HUNK: variants seen among roughly 807,000 people sequenced by gnomAD.
HUNK encodes the protein hormonally up-regulated Neu-associated kinase.
Under a neutral mutation model 61.0 loss-of-function variants are expected in HUNK, and 21 were observed. That is an observed-to-expected ratio of 0.34 (90% CI 0.24 to 0.50). The LOEUF (loss-of-function observed/expected upper bound fraction) is 0.50, where lower values mean the gene tolerates loss of function less well. Among genes scored for constraint, HUNK ranks in the 20% least tolerant of loss-of-function variants. HUNK has a pLI of 0.98. For synonymous variants in HUNK, 371 were observed against 386.1 expected (o/e 0.96, Z 0.46); for missense variants, 772 against 945.7 (o/e 0.82, Z 2.41).
chr21:31,967,840 C>G (rs1223832486), intron 5 of HUNK, among the ~76,000 whole-genome samples: 3 of 152,174 alleles, frequency 2.0e-5, no homozygotes, highest in Non-Finnish European at 4.4e-5. Context: ...TTCCTACAAG[C>G]CTGTCAATAG....
chr21:31,942,353 G>T (rs182730633), intron 3 of HUNK, among the ~76,000 whole-genome samples: 1 of 152,312 alleles, frequency 6.6e-6, no homozygotes, highest in African/African-American at 2.4e-5. Flanking sequence ...CTCCTTAAGT[G>T]GTAGCCCTAG....
Position 31,986,722 on chromosome 21 carries a change from G to C in HUNK, c.1257+3113G>C, listed in dbSNP as rs1424348229. Among the ~76,000 whole-genome samples, 3 of 152,082 alleles carry C rather than the reference G, an allele frequency of 2.0e-5. No individual in the cohort carries two copies. The East Asian group carries it at 5.8e-4, about 29-fold the overall frequency. Reference sequence around the variant, plus strand: ...TGCTGTGCTCTCTCTGCCTGTGGGGGCTGTGCACATGCTGCTCCCTCTTCC... The same window carrying C: ...TGCTGTGCTCTCTCTGCCTGTGGGGCCTGTGCACATGCTGCTCCCTCTTCC... On this transcript the variant is annotated intron_variant, in intron 8 of 10. Coordinates refer to ENST00000270112, the MANE Select transcript of HUNK (RefSeq NM_014586.2).
At chr21:31,972,280 G>A (rs1252432116) in intron 6 of HUNK, among the ~76,000 whole-genome samples, 1 of 152,092 alleles carries the variant, frequency 6.6e-6, no homozygotes, top group Non-Finnish European at 1.5e-5. Flanking sequence ...GATTGCATGT[G>A]AATTTGCTCA....
At chr21:31,929,206 A>T (rs143366694) in intron 2 of HUNK, among the ~76,000 whole-genome samples, 2,274 of 152,154 alleles carry the variant, frequency 0.015, 32 homozygotes, top group Middle Eastern at 0.041. Flanking sequence ...AACTATTTAA[A>T]CATCATTTAA....
intron 1 of HUNK, among the ~76,000 whole-genome samples, chr21:31,883,019 ATT>A (rs112383556): frequency 6.8e-6 from 1 of 145,998 alleles, no homozygotes. Flanking sequence ...GGAGTACATA[ATT>A]TTTTTTTTTT....
rs567279611 is a variant in HUNK at position 31,892,601 on chromosome 21, A to G, written c.261+18666A>G. 7.3e-4 allele frequency among the ~76,000 whole-genome samples: 111 copies of G among 151,980 alleles called. No homozygotes were observed. In the East Asian group the frequency reaches 8.7e-3, roughly 12 times the overall value. ...AAAAAAAAAAAAGGAAAGAAAGAAA[A>G]AAAAAGAAATGGTAGTTGGTTGTTC... On this transcript the variant is annotated intron_variant, in intron 1 of 10. Coordinates refer to ENST00000270112, the MANE Select transcript of HUNK (RefSeq NM_014586.2).
chr21:31,917,536 C>A (rs923010080), intron 1 of HUNK, among the ~76,000 whole-genome samples: 2 of 152,100 alleles, frequency 1.3e-5, no homozygotes, highest in African/African-American at 4.8e-5. Flanking sequence ...TGGGGGAAAT[C>A]TTTGGAAAAC....
At chr21:31,879,396 C>T (rs142313127) in intron 1 of HUNK, among the ~76,000 whole-genome samples, 97 of 152,258 alleles carry the variant, frequency 6.4e-4, no homozygotes, top group South Asian at 1.7e-3. Context: ...CAGTTGCAGG[C>T]GGATTCTTTT....
intron 1 of HUNK, among the ~76,000 whole-genome samples, chr21:31,915,590 A>G (rs2052576590): frequency 6.6e-6 from 1 of 152,176 alleles, no homozygotes; most frequent in African/African-American, 2.4e-5. Flanking sequence ...GTTGTACAGA[A>G]GATCCATTTT....
chr21:31,974,374 G>A (rs2053033564), intron 6 of HUNK, 181 bp from the exon 7 acceptor site: 1 of 495,572 alleles, frequency 2.0e-6, no homozygotes, highest in Non-Finnish European at 3.5e-6. Context: ...CTAGATGATG[G>A]TATACATAAA....
intron 6 of HUNK, among the ~76,000 whole-genome samples, chr21:31,971,711 A>T (rs1431372369): frequency 3.3e-5 from 5 of 152,144 alleles, no homozygotes; most frequent in African/African-American, 1.2e-4. Context: ...CTCCAAGTTG[A>T]TCTCTAAAAG....
chr21:31,888,563 C>T (rs2052364719), intron 1 of HUNK, among the ~76,000 whole-genome samples: 1 of 152,076 alleles, frequency 6.6e-6, no homozygotes, highest in African/African-American at 2.4e-5. Context: ...ATGGTGAAAC[C>T]CTGTTTCTAC....
chr21:31,955,614 G>A (rs547003399), intron 4 of HUNK, among the ~76,000 whole-genome samples: 2 of 152,308 alleles, frequency 1.3e-5, no homozygotes, highest in South Asian at 2.1e-4. Context: ...AAATACCAAG[G>A]CAGACACTGA....
rs190880469 is a variant in HUNK at position 31,941,222 on chromosome 21, C to T, written c.610+1002C>T. On this transcript the variant is annotated intron_variant, in intron 3 of 10. Transcript: ENST00000270112. ...TAGAGAGTTAATCGTGAAGAGGAAA[C>T]CAATTTTTCCCCAAAAGCATTTAGA... Among the ~76,000 whole-genome samples, 347 of 152,274 alleles carry T rather than the reference C, an allele frequency of 2.3e-3. 1 individual carries two copies. Among genetic ancestry groups the T allele is most frequent in the African/African-American group, 7.8e-3 (324 of 41,554 alleles).
At chr21:31,967,514 T>C (rs2052975539) in intron 5 of HUNK, among the ~76,000 whole-genome samples, 1 of 152,170 alleles carries the variant, frequency 6.6e-6, no homozygotes. Flanking sequence ...AGTGCTTGAA[T>C]GGACAAGTGC....
In HUNK at chr21:31,978,123, G is replaced by A. The variant is rs55752413; in HGVS notation, c.1173+3406G>A. Among the ~76,000 whole-genome samples the A allele has an allele frequency of 6.6e-4, 100 of 152,308 alleles. 2 individuals carry two copies. In the South Asian group the frequency reaches 0.012, roughly 18 times the overall value. ...AGCAGAGTGTGGCTTTGTCATCTGA[G>A]AACATTCTCTGGAAACTCAGCTGGT... On this transcript the variant is annotated intron_variant, in intron 7 of 10. Coordinates refer to ENST00000270112, the MANE Select transcript of HUNK (RefSeq NM_014586.2).
intron 8 of HUNK, among the ~76,000 whole-genome samples, chr21:31,987,484 C>A (rs756539105): frequency 6.6e-6 from 1 of 152,190 alleles, no homozygotes; most frequent in African/African-American, 2.4e-5. Context: ...TGCCCCACTG[C>A]GAGTGTGTGT....
chr21:31,992,913 G>C (rs894340091), intron 9 of HUNK, among the ~76,000 whole-genome samples: 1 of 152,186 alleles, frequency 6.6e-6, no homozygotes, highest in African/African-American at 2.4e-5. Context: ...GTTTGTCCCC[G>C]ACAGGGAGCA....
At chr21:31,947,377 G>A (rs2052815167) in intron 4 of HUNK, among the ~76,000 whole-genome samples, 1 of 146,212 alleles carries the variant, frequency 6.8e-6, no homozygotes, top group Non-Finnish European at 1.5e-5. Flanking sequence ...AGCCAGTGGC[G>A]CCTGCGCATT....
Sources: gnomAD v4.1 joint callset for allele counts (sites outside exome capture counted in the v4.1 genomes callset) on GRCh38, gnomAD v4.1.1 for gene constraint, MANE v1.5 for transcripts, NCBI Gene and HGNC (gene_info 2026-07-23, HGNC 2026-07-21) for gene names.